ZNF407: variants seen among roughly 807,000 people sequenced by gnomAD.
ZNF407 encodes the protein zinc finger protein 407.
A neutral mutation model predicts 131.2 loss-of-function variants in ZNF407; 17 were observed. The ratio of observed to expected loss-of-function variants is 0.13; its 90% CI spans 0.09 to 0.19. The LOEUF is 0.19. Ranked by LOEUF, ZNF407 falls within the 10% of genes least tolerant of loss-of-function variation. The pLI, the probability that ZNF407 is intolerant of heterozygous loss-of-function variation, is 1.00. For missense variants in ZNF407, 2,681 were observed against 2,830.6 expected, an observed-to-expected ratio of 0.95 and a Z score of 1.20; for synonymous variants, 1,156 against 1,062.0, an observed-to-expected ratio of 1.09 and a Z score of -1.72.
intron 5 of ZNF407, 58 bp downstream of exon 5, chr18:74,877,421 G>T: frequency 2.0e-6 from 3 of 1,525,852 alleles, no homozygotes; most frequent in Non-Finnish European, 2.7e-6. Context: ...TGGGTGGACT[G>T]TGGGAACAGA....
intron 4 of ZNF407, among the ~76,000 whole-genome samples, chr18:74,869,633 G>T (rs1053999998): frequency 9.2e-5 from 14 of 152,214 alleles, no homozygotes; most frequent in Admixed American, 3.9e-4. Context: ...TATAGATGGG[G>T]TTTTTTTAGG....
intron 3 of ZNF407, among the ~76,000 whole-genome samples, chr18:74,710,439 A>G (rs1967731001): frequency 6.6e-6 from 1 of 152,224 alleles, no homozygotes; most frequent in African/African-American, 2.4e-5. Flanking sequence ...TTTAATGAGC[A>G]TATCTAAAAT....
At chr18:74,747,847 A>G (rs1342643551) in intron 3 of ZNF407, among the ~76,000 whole-genome samples, 1 of 152,146 alleles carries the variant, frequency 6.6e-6, no homozygotes, top group African/African-American at 2.4e-5. Flanking sequence ...ATATACTTTG[A>G]GGAGAAAGTA....
In ZNF407 at chr18:74,635,469, G is replaced by A. The variant is rs779964558; in HGVS notation, c.4450G>A (p.Ala1484Thr). The change falls in exon 2 of 9, where the codon GCC becomes ACC. Residue 1484 changes from alanine (A) to threonine (T), a missense_variant. Around this residue, in one of 6 missense-constraint regions of ZNF407, gnomAD observed 213 missense variants for 332.2 expected, o/e 0.64. Coordinates refer to ENST00000299687, the MANE Select transcript of ZNF407 (RefSeq NM_017757.3). The surrounding 1 kb of genome is among the most constrained non-coding windows in gnomAD (Gnocchi z 4.7). ...ASVEELPEGG[A>T]TFKCVKCTEP... ...TGTGGAGGAGCTTCCGGAGGGAGGG[G>A]CCACCTTTAAATGTGTCAAGTGCAC... 8.1e-6 allele frequency: 13 copies of A among 1,612,794 alleles called. No individual in the cohort carries two copies. In the South Asian group the frequency reaches 8.8e-5, roughly 11 times the overall value.
Position 74,635,326 on chromosome 18 carries a change from A to C in ZNF407, c.4307A>C (p.Lys1436Thr), listed in dbSNP as rs1984407723. The C allele has an allele frequency of 6.2e-7, 1 of 1,614,026 alleles. No homozygotes were observed. Among genetic ancestry groups the C allele is most frequent in the Non-Finnish European group, 8.5e-7 (1 of 1,179,898 alleles). Residue 1436 changes from lysine (K) to threonine (T), a missense_variant, in exon 2 of 9, where the codon AAG becomes ACG. Around this residue, in one of 6 missense-constraint regions of ZNF407, gnomAD observed 1,789 missense variants for 1,748.7 expected, o/e 1.02. Transcript: ENST00000299687. This position sits in a 1 kb window ranked among gnomAD's most constrained non-coding sequence, Gnocchi z 4.7. ...LSGLNVHIAM[K>T]HPTKEKHFHC... is the part of the protein sequence containing the mutation. ...GGACTGAATGTTCACATAGCCATGA[A>C]GCATCCTACAAAAGAGAAGCACTTC...
chr18:75,035,967 C>T (rs1010569947), intron 8 of ZNF407, among the ~76,000 whole-genome samples: 6 of 152,170 alleles, frequency 3.9e-5, no homozygotes, highest in Non-Finnish European at 4.4e-5. Context: ...AACAAAGAAA[C>T]CAGAGGTGGC....
intron 1 of ZNF407, among the ~76,000 whole-genome samples, chr18:74,607,167 C>G (rs1982843580): frequency 6.6e-6 from 1 of 152,174 alleles, no homozygotes; most frequent in African/African-American, 2.4e-5. Context: ...GGTTCTCAAT[C>G]CTAATGTGTA....
At chr18:74,983,346 A>C (rs1180495694) in intron 8 of ZNF407, among the ~76,000 whole-genome samples, 3 of 152,180 alleles carry the variant, frequency 2.0e-5, no homozygotes, top group Admixed American at 2.0e-4. Flanking sequence ...TAGGCTGTGT[A>C]AGCCATTCTA....
intron 8 of ZNF407, among the ~76,000 whole-genome samples, chr18:74,961,414 G>A (rs1972342186): frequency 6.6e-6 from 1 of 152,120 alleles, no homozygotes; most frequent in Admixed American, 6.5e-5. Context: ...AGTGGTATAT[G>A]CCACAACACA....
At chr18:74,915,220 G>T (rs776201935) in intron 7 of ZNF407, among the ~76,000 whole-genome samples, 3 of 152,276 alleles carry the variant, frequency 2.0e-5, no homozygotes, top group East Asian at 3.9e-4. Flanking sequence ...AGGCCAGGAG[G>T]AGTCACACCA....
At chr18:74,972,062 G>T (rs866186807) in intron 8 of ZNF407, among the ~76,000 whole-genome samples, 4 of 152,102 alleles carry the variant, frequency 2.6e-5, no homozygotes, top group South Asian at 2.1e-4. Context: ...AATAGCACGG[G>T]AAAAACTGGC....
chr18:74,951,015 G>A (rs1479052917), intron 8 of ZNF407, among the ~76,000 whole-genome samples: 2 of 150,880 alleles, frequency 1.3e-5, no homozygotes, highest in Non-Finnish European at 3.0e-5. Context: ...TTTTCCTTTT[G>A]TTGATTCTGG....
chr18:74,634,530 G>A lies in ZNF407; in HGVS notation c.3511G>A (p.Ala1171Thr), dbSNP rs771578258. Reference sequence around the variant, plus strand: ...TTCCTTTTGTGAGACTTTCCAACAGGCTCCTGTCAAGGATAAAGTTAGGAA... The same window carrying A: ...TTCCTTTTGTGAGACTTTCCAACAGACTCCTGTCAAGGATAAAGTTAGGAA... ...DHSFCETFQQ[A>T]PVKDKVRKPE... The change falls in exon 2 of 9, where the codon GCT (alanine) becomes ACT (threonine). Residue 1171 changes from alanine to threonine, a missense_variant. By Grantham distance (58) the Ala-to-Thr change is moderately conservative. Transcript: ENST00000299687. 6.2e-7 allele frequency: 1 copy of A among 1,613,776 alleles called. No homozygotes were observed. Among genetic ancestry groups the A allele is most frequent in the East Asian group, 2.2e-5 (1 of 44,882 alleles).
chr18:74,993,875 G>C (rs1265839698), intron 8 of ZNF407, among the ~76,000 whole-genome samples: 2 of 152,182 alleles, frequency 1.3e-5, no homozygotes, highest in Non-Finnish European at 2.9e-5. Context: ...TCTCATTTAG[G>C]AACATTCTTC....
At chr18:74,656,737 A>G (rs774816081) in intron 3 of ZNF407, among the ~76,000 whole-genome samples, 5 of 152,236 alleles carry the variant, frequency 3.3e-5, no homozygotes, top group East Asian at 1.9e-4. Context: ...GCAGAGAATT[A>G]GGATCAAATG....
chr18:74,856,667 A>G (rs1324699500), intron 4 of ZNF407, among the ~76,000 whole-genome samples: 1 of 152,198 alleles, frequency 6.6e-6, no homozygotes, highest in East Asian at 1.9e-4. Flanking sequence ...ACAGAGGAGC[A>G]TTGTAAATTT....
chr18:74,737,773 A>G (rs1483871645), intron 3 of ZNF407, among the ~76,000 whole-genome samples: 2 of 152,228 alleles, frequency 1.3e-5, no homozygotes, highest in Non-Finnish European at 2.9e-5. Context: ...ATCTTGTAGT[A>G]ATATTGCTTT....
At chr18:74,669,125 C>T (rs1346374284) in intron 3 of ZNF407, among the ~76,000 whole-genome samples, 2 of 152,186 alleles carry the variant, frequency 1.3e-5, no homozygotes, top group Admixed American at 6.5e-5. Context: ...TCCTCATCCA[C>T]AGTTCTCACT....
chr18:74,708,375 G>A, intron 3 of ZNF407, among the ~76,000 whole-genome samples: 1 of 152,124 alleles, frequency 6.6e-6, no homozygotes. Flanking sequence ...TAATTTCCTG[G>A]TAATCCCATC....
Sources: allele counts gnomAD v4.1 joint callset (sites outside exome capture counted in the v4.1 genomes callset), GRCh38; gene constraint gnomAD v4.1.1; regional missense constraint gnomAD v4.1.1; non-coding constraint Gnocchi (gnomAD v3.1); transcripts MANE v1.5; gene names NCBI Gene and HGNC (gene_info 2026-07-23, HGNC 2026-07-21).